Variants in NT5E observed in about 807,000 individuals in gnomAD.
The protein encoded by NT5E is 5'-nucleotidase.
In NT5E, 53 loss-of-function variants were observed where a neutral mutation model predicts 55.1. That is an observed-to-expected ratio of 0.96 (90% confidence interval 0.77 to 1.21). The LOEUF (loss-of-function observed/expected upper bound fraction) is 1.21. Among genes scored for constraint, NT5E ranks in the 50% most tolerant of loss-of-function variants. The pLI, the probability that NT5E is intolerant of heterozygous loss-of-function variation, is 0.00. For missense variants in NT5E, 683 were observed against 724.3 expected (o/e 0.94, Z 0.65); for synonymous variants, 270 against 278.4 (o/e 0.97, Z 0.30).
chr6:85,486,767 C>T (rs149939039), intron 4 of NT5E, among the ~76,000 whole-genome samples: 17 of 152,294 alleles, frequency 1.1e-4, no homozygotes, highest in East Asian at 7.7e-4. Context: ...AGTTTCAGGG[C>T]GTCTCCCTAC....
intron 3 of NT5E, among the ~76,000 whole-genome samples, chr6:85,472,191 G>C (rs1375425480): frequency 1.3e-5 from 2 of 152,196 alleles, no homozygotes; most frequent in South Asian, 4.1e-4. Context: ...CTGGTAAACA[G>C]TTCTTCTATC....
At chr6:85,487,511 A>G (rs761999626) in intron 5 of NT5E, 22 bp downstream of exon 5, 15 of 1,613,966 alleles carry the variant, frequency 9.3e-6, no homozygotes, top group Non-Finnish European at 1.3e-5. Flanking sequence ...GCAGGAGTGG[A>G]CATATGCTAG....
chr6:85,471,385 C>T lies in NT5E; in HGVS notation c.711C>T (p.Asp237=), dbSNP rs778273365. 46 of 1,612,542 alleles carry T rather than the reference C, an allele frequency of 2.9e-5. No homozygotes were observed. The highest frequency in any genetic ancestry group is 3.8e-5 in the Non-Finnish European group (45 of 1,179,080). ...TCGCTCAGAAAGTGAGGGGTGTGGA[C>T]GTCGTGGTGGGAGGACACTCCAACA... ...KLIAQKVRGV[D]VVVGGHSNTF... The change falls in exon 3 of 9, where the codon GAC becomes GAT. Residue 237 remains aspartate, a synonymous_variant. Transcript: ENST00000257770.
At chr6:85,491,475 C>T in intron 7 of NT5E, 1 of 295,422 alleles carries the variant, frequency 3.4e-6, no homozygotes, top group Non-Finnish European at 6.6e-6. Flanking sequence ...GCCTATGGGG[C>T]AACCCAAACA....
At chr6:85,480,769 TAAACAAAC>T (rs111733798) in intron 3 of NT5E, among the ~76,000 whole-genome samples, 31 of 152,220 alleles carry the variant, frequency 2.0e-4, no homozygotes, top group South Asian at 6.2e-4. Flanking sequence ...ACTAATAGCT[TAAACAAAC>T]AAACAAACAA....
intron 4 of NT5E, 24 bp from the exon 5 acceptor site, chr6:85,487,311 G>T: frequency 6.2e-7 from 1 of 1,602,976 alleles, no homozygotes; most frequent in Non-Finnish European, 8.5e-7. Flanking sequence ...TTAATTGTAG[G>T]GTACCTTCTT....
chr6:85,487,982 G>A (rs1175611962), intron 5 of NT5E, among the ~76,000 whole-genome samples: 2 of 152,172 alleles, frequency 1.3e-5, no homozygotes, highest in Non-Finnish European at 2.9e-5. Context: ...CTACCCTGGA[G>A]ATATCAACAT....
In NT5E at chr6:85,487,470, A is replaced by G; in HGVS notation, c.1085A>G (p.Asn362Ser). The change falls in exon 5 of 9, where the codon AAC (asparagine) becomes AGC (serine). Residue 362 changes from asparagine to serine, a missense_variant. Coordinates refer to ENST00000257770, the MANE Select transcript of NT5E (RefSeq NM_002526.4). ...SCRFRECNMG[N>S]LICDAMINNN... ...CGCTTTAGAGAATGCAACATGGGCA[A>G]CCTGATTTGTGATGCAATGGTAAGT... 6.2e-7 allele frequency: 1 copy of G among 1,614,230 alleles called. No individual in the cohort carries two copies. The highest frequency in any genetic ancestry group is 8.5e-7 in the Non-Finnish European group (1 of 1,180,020).
At chr6:85,465,904 C>T (rs1008106594) in intron 1 of NT5E, among the ~76,000 whole-genome samples, 7 of 152,176 alleles carry the variant, frequency 4.6e-5, no homozygotes, top group South Asian at 2.1e-4. Context: ...TTTAAATGGA[C>T]GGGTCACCAG....
rs1324633541 is a variant in NT5E at position 85,487,049 on chromosome 6, C to T, written c.950-286C>T. Reference sequence around the variant, plus strand: ...CCCCTGGGCCTTTCAGAGCTCCTACCGCCACCACTAATGCTGTCCCAGGTG... The same window carrying T: ...CCCCTGGGCCTTTCAGAGCTCCTACTGCCACCACTAATGCTGTCCCAGGTG... On this transcript the variant is annotated intron_variant, in intron 4 of 8. Transcript: ENST00000257770. Among the ~76,000 whole-genome samples the T allele has an allele frequency of 3.3e-5, 5 of 152,164 alleles. No individual in the cohort carries two copies. In the East Asian group the frequency reaches 5.8e-4, roughly 18 times the overall value.
In NT5E at chr6:85,472,923, G is replaced by A. The variant is rs367772966; in HGVS notation, c.751+1498G>A. 4.0e-5 allele frequency among the ~76,000 whole-genome samples: 6 copies of A among 151,710 alleles called. No individual in the cohort carries two copies. The South Asian group carries it at 6.2e-4, about 16-fold the overall frequency. On this transcript the variant is annotated intron_variant, in intron 3 of 8. Transcript: ENST00000257770. ...AGTAGTAGGGCTTTTTTTTTTGACA[G>A]ATAAGACTAAAATAGATTAGGCACT...
rs764082484 is a variant in NT5E, at chr6:85,467,243, G to A, written c.523G>A (p.Gly175Arg). The change falls in exon 2 of 9, where the codon GGA becomes AGA. Residue 175 changes from glycine to arginine, a missense_variant. Transcript: ENST00000257770. ...TGGTGATGAAGTTGTGGGAATCGTT[G>A]GATACACTTCCAAAGAAACCCCTTT... is the stretch of plus-strand genomic sequence containing the variant. ...PVGDEVVGIV[G>R]YTSKETPFLS... The A allele has an allele frequency of 1.9e-6, 3 of 1,614,030 alleles. No homozygotes were observed. Among genetic ancestry groups the A allele is most frequent in the Non-Finnish European group, 1.7e-6 (2 of 1,179,992 alleles).
intron 2 of NT5E, among the ~76,000 whole-genome samples, chr6:85,469,573 A>G (rs1164760759): frequency 6.6e-6 from 1 of 152,192 alleles, no homozygotes; most frequent in Non-Finnish European, 1.5e-5. Context: ...TGTTGTTTCA[A>G]AGAGATGCTC....
intron 3 of NT5E, among the ~76,000 whole-genome samples, chr6:85,473,272 G>C (rs187124136): frequency 3.3e-5 from 5 of 152,296 alleles, no homozygotes; most frequent in Admixed American, 3.3e-4. Context: ...CTCATCTGTG[G>C]AATGAAGGTG....
chr6:85,450,084 C>A lies in NT5E; in HGVS notation c.-56C>A. 3 of 1,435,900 alleles carry A rather than the reference C, an allele frequency of 2.1e-6. No individual in the cohort carries two copies. Among genetic ancestry groups the A allele is most frequent in the African/African-American group, 1.4e-5 (1 of 70,834 alleles). The allele number at this position is 1,435,900 out of a possible 1,614,324, so 88.9% of individuals were successfully genotyped here. A position where few individuals can be genotyped will look rare whatever the true frequency, so the allele number is the denominator to read the frequency against. On this transcript the variant is annotated 5_prime_UTR_variant, in exon 1 of 9. Coordinates refer to ENST00000257770, the MANE Select transcript of NT5E (RefSeq NM_002526.4). The surrounding 1 kb of genome is among the most constrained non-coding windows in gnomAD (Gnocchi z 4.0). ...CCCCGGCCCTAGCTGCTCGCCCCTA[C>A]TCGCCGGCACTCGCCCGGCTCGCCC... is the stretch of plus-strand genomic sequence containing the variant.
rs1326877978 is a variant in NT5E at position 85,493,861 on chromosome 6, G to T, written c.1582G>T (p.Val528Phe). Reference sequence around the variant, plus strand: ...TCTAGGTGACCAAGATATCAACGTGGTTTCTACATATATCTCCAAAATGAA... The same window carrying T: ...TCTAGGTGACCAAGATATCAACGTGTTTTCTACATATATCTCCAAAATGAA... ...HDSGDQDINV[V>F]STYISKMKVI... The change falls in exon 9 of 9, where the codon GTT becomes TTT. Residue 528 changes from valine to phenylalanine, a missense_variant. Coordinates refer to ENST00000257770, the MANE Select transcript of NT5E (RefSeq NM_002526.4). 1.2e-6 allele frequency: 2 copies of T among 1,613,736 alleles called. No individual in the cohort carries two copies. Among genetic ancestry groups the T allele is most frequent in the Non-Finnish European group, 1.7e-6 (2 of 1,179,838 alleles).
chr6:85,471,528 G>A, intron 3 of NT5E, 103 bp downstream of exon 3: 1 of 786,676 alleles, frequency 1.3e-6, no homozygotes, highest in Non-Finnish European at 2.1e-6. Flanking sequence ...TATTTAATAT[G>A]TAATGTATAT....
At chr6:85,451,518 T>C (rs1284036287) in intron 1 of NT5E, among the ~76,000 whole-genome samples, 2 of 151,506 alleles carry the variant, frequency 1.3e-5, no homozygotes, top group African/African-American at 4.9e-5. Flanking sequence ...AAAAAAAAAA[T>C]AAAACCACCA....
chr6:85,469,364 T>C (rs1403994129), intron 2 of NT5E, among the ~76,000 whole-genome samples: 1 of 152,032 alleles, frequency 6.6e-6, no homozygotes, highest in Non-Finnish European at 1.5e-5. Flanking sequence ...TTCCCCTGGG[T>C]ACCTGTCTGT....
Sources: allele counts gnomAD v4.1 joint callset (sites outside exome capture counted in the v4.1 genomes callset), GRCh38; gene constraint gnomAD v4.1.1; non-coding constraint Gnocchi (gnomAD v3.1); transcripts MANE v1.5; gene names NCBI Gene and HGNC (gene_info 2026-07-23, HGNC 2026-07-21).